The following QRICH1 variants were observed in gnomAD, a reference collection of about 807,000 sequenced individuals.
QRICH1 encodes transcriptional regulator QRICH1.
QRICH1 carries 16 observed loss-of-function variants against 87.1 expected under a neutral mutation model. That is an observed-to-expected ratio of 0.18 (90% CI 0.12 to 0.28). QRICH1 has a LOEUF of 0.28. Ranked by LOEUF, QRICH1 falls within the 10% of genes least tolerant of loss-of-function variation. The pLI, the probability that QRICH1 is intolerant of heterozygous loss-of-function variation, is 1.00. For missense variants in QRICH1, 647 were observed against 951.7 expected (o/e 0.68, Z 4.21); for synonymous variants, 367 against 368.4 (o/e 1.00, Z 0.05).
At position 49,092,919 on chromosome 3, in the gene QRICH1, A is replaced by G. The variant is rs1290841180; in HGVS notation, c.-22+993T>C. Among the ~76,000 whole-genome samples, 4 of 152,236 alleles carry G rather than the reference A, an allele frequency of 2.6e-5. 1 individual carries two copies. The highest frequency in any genetic ancestry group is 2.0e-4 in the Admixed American group (3 of 15,280). On this transcript the variant is annotated intron_variant, in intron 1 of 9. Coordinates refer to ENST00000395443, the MANE Select transcript of QRICH1 (RefSeq NM_198880.3). ...TGGCTGAGGCAAAGGTGGGCCTTTAATATAATAAAGTAAGCCCCTCCCACT... is the reference window on the plus strand; with the variant it reads ...TGGCTGAGGCAAAGGTGGGCCTTTAGTATAATAAAGTAAGCCCCTCCCACT...
intron 1 of QRICH1, among the ~76,000 whole-genome samples, chr3:49,090,413 C>T (rs1324469181): frequency 1.4e-5 from 2 of 145,288 alleles, no homozygotes; most frequent in Non-Finnish European, 3.0e-5. Flanking sequence ...GAGCCGAGAT[C>T]GTGCCACTGC....
intron 6 of QRICH1, among the ~76,000 whole-genome samples, chr3:49,041,452 C>T (rs943103289): frequency 6.6e-6 from 1 of 151,912 alleles, no homozygotes; most frequent in Admixed American, 6.6e-5. Flanking sequence ...CATGGCCTCC[C>T]GAAATACTGG....
At position 49,030,185 on chromosome 3, in the gene QRICH1, ACAAAAAAGAGT is replaced by A. The variant is rs1409548280; in HGVS notation, c.*256_*266del. 156 of 509,758 alleles carry A rather than the reference ACAAAAAAGAGT, an allele frequency of 3.1e-4. 1 individual carries two copies. In the East Asian group the frequency reaches 5.1e-3, roughly 17 times the overall value. The allele number at this position is 509,758 out of a possible 1,614,324, so 31.6% of individuals were successfully genotyped here. A position where few individuals can be genotyped will look rare whatever the true frequency, so the allele number is the denominator to read the frequency against. ...TCCAAGCCCTTTCCCCAGGCCCCAG[ACAAAAAAGAGT>A]CAGCCAGCAACTTTCTAGGACATAT... is the stretch of plus-strand genomic sequence containing the variant. On this transcript the variant is annotated 3_prime_UTR_variant, in exon 10 of 10. Transcript: ENST00000395443.
chr3:49,032,116 A>G (rs2093244364), intron 9 of QRICH1, 67 bp downstream of exon 9: 12 of 1,265,508 alleles, frequency 9.5e-6, no homozygotes, highest in Non-Finnish European at 1.0e-5. Context: ...GTGATCACAC[A>G]AGTGAGCATG....
chr3:49,085,859 G>A (rs1314461529), intron 1 of QRICH1, among the ~76,000 whole-genome samples: 1 of 151,804 alleles, frequency 6.6e-6, no homozygotes, highest in East Asian at 1.9e-4. Flanking sequence ...AGACACAAAA[G>A]TTGAGCCTTC....
At chr3:49,067,620 T>C (rs74334695) in intron 2 of QRICH1, among the ~76,000 whole-genome samples, 1 of 151,940 alleles carries the variant, frequency 6.6e-6, no homozygotes, top group Admixed American at 6.6e-5. Flanking sequence ...TTCCCTTCAA[T>C]TTTTTTAATT....
intron 2 of QRICH1, among the ~76,000 whole-genome samples, chr3:49,070,544 G>A (rs1423233611): frequency 6.6e-6 from 1 of 151,750 alleles, no homozygotes; most frequent in African/African-American, 2.4e-5. Context: ...GGCCCAAGGA[G>A]TTCCTCAGCC....
At chr3:49,080,964 C>A (rs147210752) in intron 1 of QRICH1, among the ~76,000 whole-genome samples, 2 of 30,586 alleles carry the variant, frequency 6.5e-5, no homozygotes, top group African/African-American at 2.1e-4. Context: ...GAAACTCCAT[C>A]TCAAAAAAAA....
rs545916409 is a variant in QRICH1 at position 49,071,846 on chromosome 3, C to T, written c.309+4863G>A. 1.8e-4 allele frequency among the ~76,000 whole-genome samples: 27 copies of T among 152,288 alleles called. No homozygotes were observed. The South Asian group carries it at 4.6e-3, about 26-fold the overall frequency. On this transcript the variant is annotated intron_variant, in intron 2 of 9. Transcript: ENST00000395443. ...TACCTGGGATCACACAAGCAAGCCACCATACCCAGTTAATTTTTGTACTTT... is the reference window on the plus strand; with the variant it reads ...TACCTGGGATCACACAAGCAAGCCATCATACCCAGTTAATTTTTGTACTTT...
At chr3:49,069,107 A>ATTTTTTT (rs57230454) in intron 2 of QRICH1, among the ~76,000 whole-genome samples, 1 of 124,038 alleles carries the variant, frequency 8.1e-6, no homozygotes, top group Admixed American at 9.0e-5. Context: ...TATTATTATT[A>ATTTTTTT]TTTTTTTTTT....
At chr3:49,049,234 T>C (rs1341946290) in intron 3 of QRICH1, among the ~76,000 whole-genome samples, 1 of 151,458 alleles carries the variant, frequency 6.6e-6, no homozygotes, top group Non-Finnish European at 1.5e-5. Context: ...CCAGCCACAG[T>C]TGAGCCATCA....
intron 2 of QRICH1, among the ~76,000 whole-genome samples, chr3:49,075,349 A>T (rs975819685): frequency 2.1e-4 from 32 of 149,768 alleles, no homozygotes; most frequent in African/African-American, 7.6e-4. Context: ...AAAAAAAAAA[A>T]GTCAGGCGCC....
At chr3:49,040,106 G>A (rs1331373632) in intron 6 of QRICH1, among the ~76,000 whole-genome samples, 4 of 152,102 alleles carry the variant, frequency 2.6e-5, no homozygotes, top group African/African-American at 9.7e-5. Context: ...ATGGAAAATG[G>A]GTACATGGGG....
At chr3:49,069,168 A>G (rs905129687) in intron 2 of QRICH1, among the ~76,000 whole-genome samples, 3 of 148,806 alleles carry the variant, frequency 2.0e-5, no homozygotes, top group African/African-American at 7.5e-5. Context: ...CAGTGGCGCA[A>G]TCTTGGCTCA....
chr3:49,052,511 T>C (rs911599835), intron 3 of QRICH1, among the ~76,000 whole-genome samples: 3 of 152,046 alleles, frequency 2.0e-5, no homozygotes, highest in Non-Finnish European at 4.4e-5. Context: ...GCCCCTTTTT[T>C]GTTTGTTTGT....
chr3:49,055,925 C>T (rs1331037331), intron 3 of QRICH1, among the ~76,000 whole-genome samples: 2 of 152,116 alleles, frequency 1.3e-5, no homozygotes, highest in South Asian at 4.1e-4. Context: ...GTGACTCACC[C>T]GCCTTGGCCT....
intron 6 of QRICH1, among the ~76,000 whole-genome samples, chr3:49,037,624 C>T (rs532304485): frequency 2.0e-5 from 3 of 151,900 alleles, no homozygotes; most frequent in Admixed American, 6.6e-5. Flanking sequence ...CCCAGCTACT[C>T]GGGAGGCTGA....
intron 2 of QRICH1, among the ~76,000 whole-genome samples, chr3:49,068,373 CT>C (rs1486830990): frequency 2.0e-5 from 3 of 151,632 alleles, no homozygotes; most frequent in Non-Finnish European, 4.4e-5. Flanking sequence ...GGGAGGATCC[CT>C]TAAGCATGGG....
intron 6 of QRICH1, among the ~76,000 whole-genome samples, chr3:49,041,517 G>A (rs2093309633): frequency 6.6e-6 from 1 of 151,698 alleles, no homozygotes; most frequent in African/African-American, 2.4e-5. Flanking sequence ...GAATGAGATG[G>A]GGGTCTCACT....
Sources: allele counts gnomAD v4.1 joint callset (sites outside exome capture counted in the v4.1 genomes callset), GRCh38; gene constraint gnomAD v4.1.1; transcripts MANE v1.5; gene names NCBI Gene and HGNC (gene_info 2026-07-23, HGNC 2026-07-21).